Variants in ZNF44 observed in about 807,000 individuals in gnomAD.
ZNF44 encodes gonadotropin inducible transcription repressor-2.
ZNF44 carries 9 observed loss-of-function variants against 11.7 expected under a neutral mutation model. The ratio of observed to expected loss-of-function variants is 0.77; its 90% confidence interval spans 0.46 to 1.35. The LOEUF (loss-of-function observed/expected upper bound fraction) is 1.35. Among genes scored for constraint, ZNF44 ranks in the 40% most tolerant of loss-of-function variants. ZNF44 has a pLI of 0.00. For missense variants in ZNF44, 696 were observed against 743.1 expected (o/e 0.94, Z 0.74); for synonymous variants, 224 against 242.7 (o/e 0.92, Z 0.72).
intron 1 of ZNF44, among the ~76,000 whole-genome samples, chr19:12,280,439 T>C (rs1239958579): frequency 6.6e-6 from 1 of 151,994 alleles, no homozygotes; most frequent in Non-Finnish European, 1.5e-5. Flanking sequence ...GGGAACTCAC[T>C]AATAGAATCT....
chr19:12,267,969 TG>T (rs1248408158), downstream of ZNF44, among the ~76,000 whole-genome samples: 8 of 151,964 alleles, frequency 5.3e-5, no homozygotes, highest in Admixed American at 5.2e-4. Flanking sequence ...CCCAAGAAGC[TG>T]GGATTACAGG....
exon 8 of ZNF44, chr19:12,247,849 G>C (rs1369847707): frequency 1.5e-6 from 2 of 1,303,660 alleles, no homozygotes; most frequent in Non-Finnish European, 2.0e-6. Context: ...TTCCCACACA[G>C]TTTACATTCA....
chr19:12,284,638 T>A, intron 1 of ZNF44: 1 of 754,672 alleles, frequency 1.3e-6, no homozygotes, highest in Non-Finnish European at 2.3e-6. Context: ...ATTACACCAG[T>A]GCAGAAGCAG....
At chr19:12,286,666 T>C (rs1967765916) in intron 1 of ZNF44, among the ~76,000 whole-genome samples, 2 of 148,832 alleles carry the variant, frequency 1.3e-5, no homozygotes, top group South Asian at 2.1e-4. Context: ...AACAGATCAT[T>C]GGGGCTGGTT....
intron 5 of ZNF44, among the ~76,000 whole-genome samples, chr19:12,257,921 A>G (rs1045301133): frequency 6.6e-6 from 1 of 151,956 alleles, no homozygotes. Flanking sequence ...CAGTGAGCCA[A>G]GATTGCGCCA....
At chr19:12,292,855 G>GTTTTTT (rs71166664) in intron 1 of ZNF44, among the ~76,000 whole-genome samples, 61 of 76,940 alleles carry the variant, frequency 7.9e-4, no homozygotes, top group Non-Finnish European at 1.0e-3. Flanking sequence ...CAGAGGTTAG[G>GTTTTTT]TTTTTTTTTT....
intron 1 of ZNF44, among the ~76,000 whole-genome samples, chr19:12,283,708 A>G (rs1371346624): frequency 6.6e-6 from 1 of 152,212 alleles, no homozygotes; most frequent in Non-Finnish European, 1.5e-5. Context: ...AGTCTGGTAA[A>G]TTGAACTCTA....
In ZNF44 at chr19:12,284,374, G is replaced by GCCCTGGGGA. The variant is rs138040862; in HGVS notation, c.4-8301_4-8293dup. 1.1e-3 allele frequency: 682 copies of GCCCTGGGGA among 606,396 alleles called. 8 individuals carry two copies. In the East Asian group the frequency reaches 0.023, roughly 20 times the overall value. 37.6% of individuals were successfully genotyped at this position (606,396 alleles called of 1,614,324 possible). On this transcript the variant is annotated intron_variant, in intron 1 of 3. Coordinates refer to ENST00000355684, the MANE Select transcript of ZNF44 (RefSeq NM_016264.4). ...GCAGGTGCAGCGCGGGGGTCCAGAG[G>GCCCTGGGGA]CCCTGGGGACCCTGGGATGGGGAAC...
At chr19:12,229,670 G>A (rs1028869141) in intron 3 of ZNF44, among the ~76,000 whole-genome samples, 1 of 151,426 alleles carries the variant, frequency 6.6e-6, no homozygotes, top group African/African-American at 2.4e-5. Context: ...CTGGAGTGTA[G>A]TGGCGTGATC....
At chr19:12,264,990 G>A (rs1467900319) in intron 5 of ZNF44, among the ~76,000 whole-genome samples, 2 of 152,020 alleles carry the variant, frequency 1.3e-5, no homozygotes, top group Non-Finnish European at 2.9e-5. Flanking sequence ...GAGTCACTGT[G>A]CCCAGCCAGA....
rs370213595 is a variant in ZNF44 at position 12,232,148 on chromosome 19, A to G, written n.381-1633T>C. Reference sequence around the variant, plus strand: ...GTGCTGTGCTTTTAGATATGCATACACATAAACATCTCAATGCTTTACAAA... The same window carrying G: ...GTGCTGTGCTTTTAGATATGCATACGCATAAACATCTCAATGCTTTACAAA... On this transcript the variant is annotated intron_variant and non_coding_transcript_variant, in intron 2 of 3. Coordinates refer to the ZNF44 transcript ENST00000597563. 1.1e-3 allele frequency among the ~76,000 whole-genome samples: 164 copies of G among 152,362 alleles called. 1 individual carries two copies. The Middle Eastern group carries it at 0.02, about 19-fold the overall frequency.
intron 1 of ZNF44, among the ~76,000 whole-genome samples, chr19:12,292,279 C>T (rs1968038090): frequency 6.6e-6 from 1 of 152,146 alleles, no homozygotes; most frequent in African/African-American, 2.4e-5. Context: ...CACTACACTC[C>T]AGCCTGGGCA....
chr19:12,250,150 T>C (rs1916932625), intron 6 of ZNF44: 4 of 1,260,122 alleles, frequency 3.2e-6, no homozygotes, highest in Non-Finnish European at 4.1e-6. Flanking sequence ...ATTTTGCCTT[T>C]TCACATTCCA....
At chr19:12,250,290 G>GT in exon 6 of ZNF44, 1 of 1,366,680 alleles carries the variant, frequency 7.3e-7, no homozygotes. Context: ...TCTCTGTAGA[G>GT]TTTTTTCTGT....
chr19:12,271,178 TTAAAGA>T (rs1270935863), downstream of ZNF44, among the ~76,000 whole-genome samples: 2 of 152,146 alleles, frequency 1.3e-5, no homozygotes. Flanking sequence ...GTTGCAAGTG[TTAAAGA>T]TAATCAACCT....
At chr19:12,229,606 G>A (rs559605115) in intron 3 of ZNF44, among the ~76,000 whole-genome samples, 5 of 147,108 alleles carry the variant, frequency 3.4e-5, no homozygotes, top group African/African-American at 1.3e-4. Flanking sequence ...GTTTTCATTA[G>A]GAAGAAAGAT....
At chr19:12,241,167 G>A (rs2459005), upstream of ZNF44, among the ~76,000 whole-genome samples, 9,335 of 152,246 alleles carry the variant, frequency 0.061, 971 homozygotes, top group African/African-American at 0.22. Context: ...TACCACTGGT[G>A]ATTAGGGAAA....
intron 1 of ZNF44, among the ~76,000 whole-genome samples, chr19:12,280,168 G>A (rs1188719590): frequency 1.3e-5 from 2 of 152,116 alleles, no homozygotes; most frequent in African/African-American, 4.8e-5. Context: ...GCAGTGAGCC[G>A]AGATCATGCC....
chr19:12,265,202 T>G (rs1337491637), intron 5 of ZNF44, among the ~76,000 whole-genome samples: 1 of 151,950 alleles, frequency 6.6e-6, no homozygotes, highest in Non-Finnish European at 1.5e-5. Flanking sequence ...GCTCAGGAGT[T>G]CGAGACCAGC....
Sources: gnomAD v4.1 joint callset for allele counts (sites outside exome capture counted in the v4.1 genomes callset) on GRCh38, gnomAD v4.1.1 for gene constraint, MANE v1.5 for transcripts, NCBI Gene and HGNC (gene_info 2026-07-23, HGNC 2026-07-21) for gene names.